PUS3: variants seen among roughly 807,000 people sequenced by gnomAD.
PUS3 encodes the protein pseudouridine synthase 3.
Under a neutral mutation model 43.3 loss-of-function variants are expected in PUS3, and 36 were observed. The ratio of observed to expected loss-of-function variants is 0.83; its 90% CI spans 0.64 to 1.10. The LOEUF (loss-of-function observed/expected upper bound fraction) is 1.10, where lower values mean the gene tolerates loss of function less well. PUS3 is among the 50% of genes least tolerant of loss of function. The pLI is 0.00. For missense variants in PUS3, 544 were observed against 589.9 expected (o/e 0.92, Z 0.81); for synonymous variants, 183 against 199.2 (o/e 0.92, Z 0.69).
In PUS3 at chr11:125,894,047, A is replaced by T. The variant is rs771601366; in HGVS notation, c.1184T>A (p.Val395Asp). 6.2e-7 allele frequency: 1 copy of T among 1,614,204 alleles called. No individual in the cohort carries two copies. The highest frequency in any genetic ancestry group is 1.7e-5 in the Admixed American group (1 of 60,024). Reference protein sequence around the residue: ...MTEWGNVKPSVIKQTSAFVEG... With the variant: ...MTEWGNVKPSDIKQTSAFVEG... ...TACAAAGGCACTGGTCTGCTTTATG[A>T]CAGAGGGCTTAACATTTCCCCATTC... The change falls in exon 4 of 4, where the codon GTC (valine) becomes GAC (aspartate). Residue 395 changes from valine to aspartate, a missense_variant. Transcript: ENST00000227474.
chr11:125,901,985 CA>C (rs2134265312), intron 1 of PUS3, among the ~76,000 whole-genome samples: 1 of 152,118 alleles, frequency 6.6e-6, no homozygotes, highest in East Asian at 1.9e-4. Flanking sequence ...TTTTAACATG[CA>C]AAACACTCCA....
chr11:125,895,163 C>T, intron 3 of PUS3, 61 bp downstream of exon 3: 1 of 1,383,920 alleles, frequency 7.2e-7, no homozygotes, highest in Non-Finnish European at 9.7e-7. Context: ...TCTTGTGCCT[C>T]AAGCGTCCCG....
In PUS3 at chr11:125,896,078, T is replaced by G; in HGVS notation, c.207A>C (p.Ile69=). Residue 69 remains isoleucine (I), a synonymous_variant, in exon 2 of 4, where the codon ATA becomes ATC. Coordinates refer to ENST00000227474, the MANE Select transcript of PUS3 (RefSeq NM_031307.4). ...AHGRRHVALR[I]AYMGWGYQGF... is the part of the protein sequence containing the mutation. ...CCTGGTATCCCCAGCCCATATAGGC[T>G]ATTCTTAGGGCTACGTGTCTTCGGC... 1 of 1,614,252 alleles carries G rather than the reference T, an allele frequency of 6.2e-7. No homozygotes were observed. The highest frequency in any genetic ancestry group is 1.1e-5 in the South Asian group (1 of 91,090).
chr11:125,897,077 C>T (rs559889301), intron 1 of PUS3, among the ~76,000 whole-genome samples: 2 of 152,196 alleles, frequency 1.3e-5, no homozygotes, highest in East Asian at 1.9e-4. Context: ...TGTAATATTT[C>T]AATAATCTGA....
rs1224871620 is a variant in PUS3 at position 125,895,784 on chromosome 11, G to C, written c.384C>G (p.Ile128Met). 1 of 1,596,860 alleles carries C rather than the reference G, an allele frequency of 6.3e-7. No homozygotes were observed. The highest frequency in any genetic ancestry group is 2.2e-5 in the East Asian group (1 of 44,856). The change falls in exon 3 of 4, where the codon ATC becomes ATG. Residue 128 changes from isoleucine (I) to methionine (M), a missense_variant. Transcript: ENST00000227474. Reference sequence around the variant, plus strand: ...GAAACTGAGAGCGAAGGTCAAGTGAGATCACCTGTGGAGTTAGACAAAGAT... The same window carrying C: ...GAAACTGAGAGCGAAGGTCAAGTGACATCACCTGTGGAGTTAGACAAAGAT... ...DKGVSAFGQVISLDLRSQFPR... is the reference protein window; with the variant it reads ...DKGVSAFGQVMSLDLRSQFPR...
In PUS3 at chr11:125,896,054, C is replaced by T. The variant is rs1317806331; in HGVS notation, c.231G>A (p.Gln77=). ...TTGTGTTTTCCTGACTAGCAAAGCCCTGGTATCCCCAGCCCATATAGGCTA... is the reference window on the plus strand; with the variant it reads ...TTGTGTTTTCCTGACTAGCAAAGCCTTGGTATCCCCAGCCCATATAGGCTA... ...LRIAYMGWGY[Q]GFASQENTNN... Residue 77 remains glutamine, a synonymous_variant, in exon 2 of 4, where the codon CAG becomes CAA. Coordinates refer to ENST00000227474, the MANE Select transcript of PUS3 (RefSeq NM_031307.4). 6.2e-7 allele frequency: 1 copy of T among 1,614,216 alleles called. No homozygotes were observed. The highest frequency in any genetic ancestry group is 8.5e-7 in the Non-Finnish European group (1 of 1,180,032).
intron 1 of PUS3, chr11:125,900,327 C>G (rs1944732923): frequency 6.6e-7 from 1 of 1,510,548 alleles, no homozygotes; most frequent in East Asian, 2.3e-5. Context: ...TATATCTTCC[C>G]TTTTAAATAG....
In PUS3 at chr11:125,895,473, T is replaced by G. The variant is rs774649580; in HGVS notation, c.695A>C (p.Asn232Thr). ...FRNLCKMDVA[N>T]GVINFQRTIL... The stretch of plus-strand genomic sequence containing the variant: ...AGTCCTCTGAAAATTAATCACACCG[T>G]TGGCTACATCCATTTTACACAAGTT... Residue 232 changes from asparagine to threonine, a missense_variant, in exon 3 of 4, where the codon AAC becomes ACC. Physicochemically the swap from Asn to Thr is moderately conservative, Grantham distance 65 (BLOSUM62 0). Coordinates refer to ENST00000227474, the MANE Select transcript of PUS3 (RefSeq NM_031307.4). The G allele has an allele frequency of 6.2e-7, 1 of 1,614,184 alleles. No homozygotes were observed.
chr11:125,898,766 T>TA (rs146856926), intron 1 of PUS3, among the ~76,000 whole-genome samples: 1 of 92,200 alleles, frequency 1.1e-5, no homozygotes, highest in Non-Finnish European at 2.7e-5. Flanking sequence ...GCTTTTGTGA[T>TA]TTTTTTTTTT....
chr11:125,894,776 T>G (rs944080043), intron 3 of PUS3, among the ~76,000 whole-genome samples: 1 of 152,204 alleles, frequency 6.6e-6, no homozygotes, highest in African/African-American at 2.4e-5. Flanking sequence ...TATGAATAGT[T>G]TGTTCATTTT....
chr11:125,895,743 G>C lies in PUS3; in HGVS notation c.425C>G (p.Ser142Cys), dbSNP rs369226799. Residue 142 changes from serine (S) to cysteine (C), a missense_variant, in exon 3 of 4, where the codon TCC becomes TGC. By Grantham distance (112) the Ser-to-Cys change is moderately radical (BLOSUM62 -1). Coordinates refer to ENST00000227474, the MANE Select transcript of PUS3 (RefSeq NM_031307.4). ...CTCCTCTTTTACATTAAAGTCCTCG[G>C]AATCCCTGCCCCTTGGAAACTGAGA... Reference protein sequence around the residue: ...LRSQFPRGRDSEDFNVKEEAN... With the variant: ...LRSQFPRGRDCEDFNVKEEAN... The C allele has an allele frequency of 1.2e-6, 2 of 1,610,500 alleles. No homozygotes were observed. The highest frequency in any genetic ancestry group is 2.7e-5 in the African/African-American group (2 of 74,870).
At chr11:125,897,605 A>T (rs548624336) in intron 1 of PUS3, among the ~76,000 whole-genome samples, 1 of 152,182 alleles carries the variant, frequency 6.6e-6, no homozygotes, top group African/African-American at 2.4e-5. Context: ...GCTTATAAAA[A>T]TTTTTTAAAA....
At chr11:125,903,110 C>T (rs1944821574) in intron 1 of PUS3, 60 bp downstream of exon 1, 12 of 809,538 alleles carry the variant, frequency 1.5e-5, no homozygotes, top group African/African-American at 1.9e-5. Flanking sequence ...GCAGTGTGTC[C>T]ATTTGTCCCT....
intron 1 of PUS3, chr11:125,899,063 T>G (rs747496768): frequency 1.8e-5 from 6 of 340,980 alleles, no homozygotes; most frequent in Non-Finnish European, 3.2e-5. Flanking sequence ...TCATGTAGTT[T>G]CAAGCTTTTC....
At chr11:125,898,300 C>G (rs566772292) in intron 1 of PUS3, among the ~76,000 whole-genome samples, 1 of 152,258 alleles carries the variant, frequency 6.6e-6, no homozygotes, top group East Asian at 1.9e-4. Context: ...AGTCAGGAAA[C>G]TAGCATTGGG....
At chr11:125,897,091 C>T (rs1219639411) in intron 1 of PUS3, among the ~76,000 whole-genome samples, 1 of 152,154 alleles carries the variant, frequency 6.6e-6, no homozygotes, top group Non-Finnish European at 1.5e-5. Context: ...AATCTGAGGA[C>T]AACTGTACTA....
At chr11:125,902,468 G>C (rs1202963796) in intron 1 of PUS3, among the ~76,000 whole-genome samples, 1 of 151,936 alleles carries the variant, frequency 6.6e-6, no homozygotes. Context: ...TTAAAAACTA[G>C]GCTGCCAAGA....
rs937772679 is a variant in PUS3, at chr11:125,900,363, G to A, written c.-47+2807C>T. 64 of 1,226,084 alleles carry A rather than the reference G, an allele frequency of 5.2e-5. 1 individual carries two copies. The highest frequency in any genetic ancestry group is 9.3e-5 in the Admixed American group (5 of 53,732). The allele number at this position is 1,226,084 out of a possible 1,614,324, so 76.0% of individuals were successfully genotyped here. A position where few individuals can be genotyped will look rare whatever the true frequency, so the allele number is the denominator to read the frequency against. ...AAACAACTGTCTTGAGAAGCTCTTC[G>A]AAACATTTTATGGTAAGGACTTCAC... is the stretch of plus-strand genomic sequence containing the variant. On this transcript the variant is annotated intron_variant, in intron 1 of 3. Transcript: ENST00000227474.
At position 125,900,520 on chromosome 11, in the gene PUS3, C is replaced by A. The variant is rs1340556403; in HGVS notation, c.-47+2650G>T. ...AACAGACCTGGTCTTTCTATTTTGT[C>A]AAATTAGTAAGGGCCCTTTGTGTCC... On this transcript the variant is annotated intron_variant, in intron 1 of 3. Transcript: ENST00000227474. 3.7e-5 allele frequency: 18 copies of A among 490,926 alleles called. No individual in the cohort carries two copies. The East Asian group carries it at 7.0e-4, about 19-fold the overall frequency. The allele number at this position is 490,926 out of a possible 1,614,324, so 30.4% of individuals were successfully genotyped here. A position where few individuals can be genotyped will look rare whatever the true frequency, so the allele number is the denominator to read the frequency against.
Sources: gnomAD v4.1 joint callset for allele counts (sites outside exome capture counted in the v4.1 genomes callset) on GRCh38, gnomAD v4.1.1 for gene constraint, MANE v1.5 for transcripts, NCBI Gene and HGNC (gene_info 2026-07-23, HGNC 2026-07-21) for gene names.